Variants in FAM20B observed in about 807,000 individuals in gnomAD.
The protein encoded by FAM20B is FAM20B glycosaminoglycan xylosylkinase, also known as glycosaminoglycan xylosylkinase.
In FAM20B, 23 loss-of-function variants were observed where a neutral mutation model predicts 43.8. The ratio of observed to expected loss-of-function variants is 0.53; its 90% CI spans 0.38 to 0.74. The LOEUF (loss-of-function observed/expected upper bound fraction) is 0.74, where lower values mean the gene tolerates loss of function less well. Among genes scored for constraint, FAM20B ranks in the 30% least tolerant of loss-of-function variants. The pLI, the probability that FAM20B is intolerant of heterozygous loss-of-function variation, is 0.00. For synonymous variants in FAM20B, 178 were observed against 192.4 expected (o/e 0.93, Z 0.62); for missense variants, 440 against 510.5 (o/e 0.86, Z 1.33).
intron 1 of FAM20B, among the ~76,000 whole-genome samples, chr1:179,037,629 G>A (rs1213717201): frequency 6.6e-6 from 1 of 151,896 alleles, no homozygotes; most frequent in Non-Finnish European, 1.5e-5. Context: ...TGGGATTACA[G>A]GTGCCCACCA....
rs547439601 is a variant in FAM20B at position 179,032,313 on chromosome 1, C to CTTTTTTT, written c.-134+6235_-134+6241dup. ...GCACAACACATGTAGAGGTCTCATT[C>CTTTTTTT]TTTTTTTTTTTTTTTTTTTTTTTTT... is the stretch of plus-strand genomic sequence containing the variant. On this transcript the variant is annotated intron_variant, in intron 1 of 7. Coordinates refer to ENST00000263733, the MANE Select transcript of FAM20B (RefSeq NM_014864.4). 9.8e-5 allele frequency among the ~76,000 whole-genome samples: 11 copies of CTTTTTTT among 111,940 alleles called. 1 individual carries two copies. Among genetic ancestry groups the CTTTTTTT allele is most frequent in the African/African-American group, 2.2e-4 (7 of 32,068 alleles). The allele number at this position is 111,940 out of a possible 152,430, so 73.4% of individuals were successfully genotyped here.
chr1:179,046,768 C>G lies in FAM20B; in HGVS notation c.377+2544C>G, dbSNP rs184145760. 4.3e-3 allele frequency among the ~76,000 whole-genome samples: 653 copies of G among 151,984 alleles called. 4 individuals carry two copies. The highest frequency in any genetic ancestry group is 6.4e-3 in the Non-Finnish European group (438 of 67,956). The stretch of plus-strand genomic sequence containing the variant: ...CTGTAATCCTAGCACTTTGGGAGGC[C>G]GAGGCGGGCGGATCACCTGAGGTCA... On this transcript the variant is annotated intron_variant, in intron 2 of 7. Transcript: ENST00000263733.
chr1:179,028,457 C>T (rs1262635064), intron 1 of FAM20B, among the ~76,000 whole-genome samples: 1 of 152,234 alleles, frequency 6.6e-6, no homozygotes, highest in East Asian at 1.9e-4. Flanking sequence ...TGGTGCACGC[C>T]TGTAGTCCCA....
At chr1:179,028,790 G>T (rs574025717) in intron 1 of FAM20B, among the ~76,000 whole-genome samples, 3 of 152,168 alleles carry the variant, frequency 2.0e-5, no homozygotes, top group Admixed American at 6.5e-5. Flanking sequence ...GTATGTAGAA[G>T]GTGCACAATA....
chr1:179,043,038 C>A (rs1650609631), intron 1 of FAM20B, among the ~76,000 whole-genome samples: 1 of 152,152 alleles, frequency 6.6e-6, no homozygotes, highest in Non-Finnish European at 1.5e-5. Flanking sequence ...TCACTGGGGA[C>A]CCATCCCTTT....
chr1:179,034,637 C>T (rs1650146055), intron 1 of FAM20B, among the ~76,000 whole-genome samples: 1 of 152,226 alleles, frequency 6.6e-6, no homozygotes, highest in Admixed American at 6.5e-5. Context: ...ACCAAACCTT[C>T]AGAGTTTTAG....
intron 7 of FAM20B, 43 bp downstream of exon 7, chr1:179,066,902 T>A (rs2102524888): frequency 7.2e-7 from 1 of 1,385,838 alleles, no homozygotes; most frequent in East Asian, 2.3e-5. Flanking sequence ...ATTGCCTTCT[T>A]TTCCAGGCTC....
intron 4 of FAM20B, among the ~76,000 whole-genome samples, chr1:179,062,230 C>G (rs1651494974): frequency 6.6e-6 from 1 of 152,110 alleles, no homozygotes; most frequent in Non-Finnish European, 1.5e-5. Flanking sequence ...GCTAGGTGTG[C>G]TCATTACTTC....
At chr1:179,033,197 T>C (rs1183954142) in intron 1 of FAM20B, among the ~76,000 whole-genome samples, 1 of 152,204 alleles carries the variant, frequency 6.6e-6, no homozygotes, top group Non-Finnish European at 1.5e-5. Flanking sequence ...AAACCGGACA[T>C]GTGTCAGTGT....
intron 7 of FAM20B, among the ~76,000 whole-genome samples, chr1:179,068,440 A>AT (rs35721038): frequency 0.015 from 2,284 of 147,908 alleles, 43 homozygotes; most frequent in African/African-American, 0.05. Context: ...AATATAAAGA[A>AT]TTTTTTTTTT....
chr1:179,040,272 C>T (rs1275768958), intron 1 of FAM20B, among the ~76,000 whole-genome samples: 1 of 152,066 alleles, frequency 6.6e-6, no homozygotes, highest in East Asian at 1.9e-4. Flanking sequence ...GGGGTGGTGG[C>T]CGGGCAGAGG....
At chr1:179,058,219 G>A (rs986585478) in intron 4 of FAM20B, among the ~76,000 whole-genome samples, 1 of 152,132 alleles carries the variant, frequency 6.6e-6, no homozygotes, top group South Asian at 2.1e-4. Flanking sequence ...TTCAAACTAT[G>A]ATTATAAATA....
the FAM20B span, among the ~76,000 whole-genome samples, chr1:179,020,004 G>C: frequency 6.6e-6 from 1 of 152,106 alleles, no homozygotes; most frequent in Non-Finnish European, 1.5e-5. Context: ...TAGTCCCACT[G>C]TGTTGAGTAC....
chr1:179,063,066 C>A (rs891447259), intron 4 of FAM20B, among the ~76,000 whole-genome samples: 1 of 152,172 alleles, frequency 6.6e-6, no homozygotes, highest in Non-Finnish European at 1.5e-5. Flanking sequence ...CACCTGAGGT[C>A]AGGAGTTTTG....
At chr1:179,041,305 G>A (rs947650024) in intron 1 of FAM20B, among the ~76,000 whole-genome samples, 5 of 152,210 alleles carry the variant, frequency 3.3e-5, no homozygotes, top group South Asian at 2.1e-4. Flanking sequence ...CAAGGCAGGC[G>A]GCTGGGAGGT....
chr1:179,045,792 G>C (rs1007357810), intron 2 of FAM20B, among the ~76,000 whole-genome samples: 1 of 151,938 alleles, frequency 6.6e-6, no homozygotes, highest in Non-Finnish European at 1.5e-5. Context: ...AGGCTGAGGT[G>C]GGAGGATGGG....
intron 1 of FAM20B, among the ~76,000 whole-genome samples, chr1:179,030,940 G>C (rs1166139882): frequency 6.6e-6 from 1 of 151,954 alleles, no homozygotes; most frequent in African/African-American, 2.4e-5. Flanking sequence ...GTATAACAGA[G>C]GGATCATGCC....
intron 7 of FAM20B, among the ~76,000 whole-genome samples, chr1:179,067,344 C>G (rs1289278213): frequency 2.0e-5 from 3 of 152,212 alleles, no homozygotes; most frequent in Admixed American, 6.5e-5. Flanking sequence ...GTGGCTCACT[C>G]CTGTAATCCC....
At chr1:179,038,979 A>G (rs1471457357) in intron 1 of FAM20B, among the ~76,000 whole-genome samples, 1 of 152,260 alleles carries the variant, frequency 6.6e-6, no homozygotes, top group African/African-American at 2.4e-5. Flanking sequence ...TGTTGCCCTC[A>G]GAATACATTG....
Sources: gnomAD v4.1 joint callset for allele counts (sites outside exome capture counted in the v4.1 genomes callset) on GRCh38, gnomAD v4.1.1 for gene constraint, MANE v1.5 for transcripts, NCBI Gene and HGNC (gene_info 2026-07-23, HGNC 2026-07-21) for gene names.